PSPC1: variants seen among roughly 807,000 people sequenced by gnomAD.
PSPC1 encodes the protein paraspeckle protein 1.
A neutral mutation model predicts 51.6 loss-of-function variants in PSPC1; 14 were observed. That is an observed-to-expected ratio of 0.27 (90% CI 0.18 to 0.42). PSPC1 has a LOEUF of 0.42. PSPC1 is among the 10% of genes least tolerant of loss of function. The pLI is 1.00. For synonymous variants in PSPC1, 193 were observed against 231.9 expected (o/e 0.83, Z 1.53); for missense variants, 406 against 701.1 (o/e 0.58, Z 4.75).
rs149174071 is a variant in PSPC1, at chr13:19,708,041, G to C, written c.1216+1501C>G. On this transcript the variant is annotated intron_variant, in intron 7 of 8. Transcript: ENST00000338910. ...TCCACTGCAGTAATTTCACAATTAA[G>C]TTCTTTATGGGCGAGGGCCATGTTT... Among the ~76,000 whole-genome samples, 387 of 152,260 alleles carry C rather than the reference G, an allele frequency of 2.5e-3. 1 individual carries two copies. Among genetic ancestry groups the C allele is most frequent in the African/African-American group, 8.7e-3 (360 of 41,560 alleles).
chr13:19,704,983 CTG>C lies in PSPC1; in HGVS notation c.1386+677_1386+678del, dbSNP rs1212582987. Among the ~76,000 whole-genome samples the C allele has an allele frequency of 4.6e-5, 7 of 152,212 alleles. No homozygotes were observed. In the South Asian group the frequency reaches 1.5e-3, roughly 32 times the overall value. On this transcript the variant is annotated intron_variant, in intron 8 of 8. Coordinates refer to ENST00000338910, the MANE Select transcript of PSPC1 (RefSeq NM_001354909.2). Reference sequence around the variant, plus strand: ...TTTTATCAAAAATATTTACTGAAAACTGTGTGTTCATACATATTGGACTTTTG... The same window carrying C: ...TTTTATCAAAAATATTTACTGAAAACTGTGTTCATACATATTGGACTTTTG...
intron 4 of PSPC1, among the ~76,000 whole-genome samples, chr13:19,742,260 C>CAAAAAAAAAAAAAAAAAACAAAAA (rs36104148): frequency 8.4e-6 from 1 of 119,172 alleles, no homozygotes; most frequent in African/African-American, 3.5e-5. Context: ...GACTCAATCT[C>CAAAAAAAAAAAAAAAAAACAAAAA]AAAAAAAAAA....
At chr13:19,694,122 CAAAAAAAAAAAA>C (rs71092389) in intron 6 of PSPC1, among the ~76,000 whole-genome samples, 52 of 47,462 alleles carry the variant, frequency 1.1e-3, no homozygotes, top group African/African-American at 3.8e-3. Context: ...GACTCCATCT[CAAAAAAAAAAAA>C]AAAAAAAAAA....
At chr13:19,693,983 T>C (rs1294079882) in intron 6 of PSPC1, among the ~76,000 whole-genome samples, 3 of 150,864 alleles carry the variant, frequency 2.0e-5, no homozygotes, top group African/African-American at 7.3e-5. Context: ...ATTAGCCGGG[T>C]GTGGTGGCGG....
intron 5 of PSPC1, among the ~76,000 whole-genome samples, chr13:19,739,862 TAAA>T (rs1005642453): frequency 7.7e-6 from 1 of 129,364 alleles, no homozygotes; most frequent in Non-Finnish European, 1.7e-5. Context: ...GAGAGTTGTT[TAAA>T]AAAAAAAAAA....
At chr13:19,695,978 T>C (rs760548732) in intron 6 of PSPC1, among the ~76,000 whole-genome samples, 2 of 151,904 alleles carry the variant, frequency 1.3e-5, no homozygotes, top group South Asian at 2.1e-4. Context: ...TAAGCCACCA[T>C]GGGGTAGAAG....
chr13:19,767,937 TA>T (rs964821694), intron 2 of PSPC1, among the ~76,000 whole-genome samples: 2 of 152,120 alleles, frequency 1.3e-5, no homozygotes, highest in Admixed American at 1.3e-4. Flanking sequence ...TAAAAAACTT[TA>T]CAGATGCAAT....
At chr13:19,755,795 T>G (rs1887009096) in intron 3 of PSPC1, among the ~76,000 whole-genome samples, 1 of 152,154 alleles carries the variant, frequency 6.6e-6, no homozygotes, top group South Asian at 2.1e-4. Flanking sequence ...GTTCAAGGTT[T>G]GGTCCTTTGA....
chr13:19,703,332 GGT>G lies in PSPC1; in HGVS notation c.1413_1414del (p.Pro472IlefsTer10), dbSNP rs1329773472. ...CCCCATAGGTGAACCCATCTGAGATGGTGGTCCTTGAGGAAATCTGTCATTGT... is the reference window on the plus strand; with the variant it reads ...CCCCATAGGTGAACCCATCTGAGATGGGTCCTTGAGGAAATCTGTCATTGT... On this transcript the variant is annotated frameshift_variant, in exon 9 of 9. Coordinates refer to ENST00000338910, the MANE Select transcript of PSPC1 (RefSeq NM_001354909.2). LOFTEE classifies it high-confidence loss of function. 1 of 1,607,668 alleles carries G rather than the reference GGT, an allele frequency of 6.2e-7. No homozygotes were observed. The highest frequency in any genetic ancestry group is 8.5e-7 in the Non-Finnish European group (1 of 1,174,944).
At chr13:19,690,630 C>T (rs546584548) in intron 6 of PSPC1, among the ~76,000 whole-genome samples, 20 of 152,156 alleles carry the variant, frequency 1.3e-4, no homozygotes, top group Non-Finnish European at 1.9e-4. Context: ...CAAGACCAAA[C>T]GCCATTGTAT....
At chr13:19,673,852 TA>T (rs1426866107), downstream of PSPC1, among the ~76,000 whole-genome samples, 29 of 152,232 alleles carry the variant, frequency 1.9e-4, no homozygotes, top group African/African-American at 6.5e-4. Flanking sequence ...CCAAAAGGTT[TA>T]TTATAACATT....
chr13:19,774,827 A>T (rs1888944555), intron 1 of PSPC1, among the ~76,000 whole-genome samples: 1 of 150,784 alleles, frequency 6.6e-6, no homozygotes, highest in Non-Finnish European at 1.5e-5. Flanking sequence ...AACAAAAAAA[A>T]AAAAGAAAAA....
intron 1 of PSPC1, among the ~76,000 whole-genome samples, chr13:19,781,287 G>A (rs1383768341): frequency 6.6e-6 from 1 of 151,882 alleles, no homozygotes; most frequent in Non-Finnish European, 1.5e-5. Context: ...AAGTAACTGG[G>A]ACTACAGGCG....
chr13:19,733,068 T>A (rs1884323444), intron 5 of PSPC1, among the ~76,000 whole-genome samples: 1 of 152,226 alleles, frequency 6.6e-6, no homozygotes, highest in Non-Finnish European at 1.5e-5. Context: ...AACAAGCCTA[T>A]TTCCAGTAAA....
At chr13:19,761,685 G>C (rs1210747115) in intron 2 of PSPC1, among the ~76,000 whole-genome samples, 1 of 152,164 alleles carries the variant, frequency 6.6e-6, no homozygotes, top group Non-Finnish European at 1.5e-5. Flanking sequence ...CAGATAAACT[G>C]AATAGGAACC....
chr13:19,780,891 C>T (rs1889885276), intron 1 of PSPC1, among the ~76,000 whole-genome samples: 3 of 152,142 alleles, frequency 2.0e-5, no homozygotes, highest in African/African-American at 4.8e-5. Context: ...GACACAGTGG[C>T]TCACCCTGTA....
At chr13:19,754,074 TTC>T (rs1301689092) in intron 3 of PSPC1, among the ~76,000 whole-genome samples, 2 of 152,032 alleles carry the variant, frequency 1.3e-5, no homozygotes, top group East Asian at 3.8e-4. Context: ...TGTGAGCATT[TTC>T]TTTTTCTTTC....
At chr13:19,725,650 G>A (rs1307259399) in intron 6 of PSPC1, among the ~76,000 whole-genome samples, 4 of 152,124 alleles carry the variant, frequency 2.6e-5, no homozygotes, top group Admixed American at 6.5e-5. Flanking sequence ...TACAAAAATA[G>A]GCAGCATGTG....
At chr13:19,733,597 C>T (rs1410737955) in intron 5 of PSPC1, among the ~76,000 whole-genome samples, 1 of 151,758 alleles carries the variant, frequency 6.6e-6, no homozygotes, top group Non-Finnish European at 1.5e-5. Flanking sequence ...CCCATCTCTA[C>T]TAAAAATACA....
Sources: allele counts gnomAD v4.1 joint callset (sites outside exome capture counted in the v4.1 genomes callset), GRCh38; gene constraint gnomAD v4.1.1; transcripts MANE v1.5; gene names NCBI Gene and HGNC (gene_info 2026-07-23, HGNC 2026-07-21).